Variants in SLC43A1 observed in about 807,000 individuals in gnomAD.
The protein encoded by SLC43A1 is large neutral amino acids transporter small subunit 3.
Under a neutral mutation model 59.5 loss-of-function variants are expected in SLC43A1, and 31 were observed. The ratio of observed to expected loss-of-function variants is 0.52; its 90% CI spans 0.39 to 0.70. The LOEUF (loss-of-function observed/expected upper bound fraction) is 0.70. Among genes scored for constraint, SLC43A1 ranks in the 30% least tolerant of loss-of-function variants. SLC43A1 has a pLI of 0.00. For missense variants in SLC43A1, 598 were observed against 717.8 expected, an observed-to-expected ratio of 0.83 and a Z score of 1.91; for synonymous variants, 259 against 290.9, an observed-to-expected ratio of 0.89 and a Z score of 1.12.
At chr11:57,502,873 CAA>C (rs35873904) in intron 2 of SLC43A1, among the ~76,000 whole-genome samples, 29 of 62,776 alleles carry the variant, frequency 4.6e-4, no homozygotes, top group Admixed American at 7.5e-4. Context: ...GGCCCTGTCT[CAA>C]AAAAAAAAAA....
rs1554979841 is a variant in SLC43A1, at chr11:57,485,052, C to T, written c.*44G>A. The stretch of plus-strand genomic sequence containing the variant: ...ATATGGGGCACTCCTTTTGGTTGCT[C>T]AGGCCTTGATTGCCTGTCATCCAGG... On this transcript the variant is annotated 3_prime_UTR_variant, in exon 15 of 15. Transcript: ENST00000278426. The T allele has an allele frequency of 3.2e-6, 5 of 1,575,418 alleles. No homozygotes were observed. Among genetic ancestry groups the T allele is most frequent in the Non-Finnish European group, 4.3e-6 (5 of 1,163,186 alleles).
At position 57,484,834 on chromosome 11, in the gene SLC43A1, C is replaced by T; in HGVS notation, c.*262G>A. 5.3e-6 allele frequency: 2 copies of T among 379,198 alleles called. No individual in the cohort carries two copies. Among genetic ancestry groups the T allele is most frequent in the Non-Finnish European group, 9.5e-6 (2 of 210,252 alleles). The allele number at this position is 379,198 out of a possible 1,614,324, so 23.5% of individuals were successfully genotyped here. On this transcript the variant is annotated 3_prime_UTR_variant, in exon 15 of 15. Coordinates refer to ENST00000278426, the MANE Select transcript of SLC43A1 (RefSeq NM_003627.6). ...AGGAGATAAGAGGCACCCTGGTCTC[C>T]TCCAACCCAAGGAGGAAGAAGGCTC... is the stretch of plus-strand genomic sequence containing the variant.
chr11:57,494,411 C>T, intron 7 of SLC43A1: 1 of 493,648 alleles, frequency 2.0e-6, no homozygotes, highest in Non-Finnish European at 3.5e-6. Flanking sequence ...GGGCTGTTCC[C>T]ATGGAGGAGG....
chr11:57,487,805 A>C (rs1247365761), intron 13 of SLC43A1, among the ~76,000 whole-genome samples: 1 of 152,050 alleles, frequency 6.6e-6, no homozygotes, highest in South Asian at 2.1e-4. Context: ...GACCTGAAGA[A>C]GGAGAGAAGG....
At chr11:57,508,918 A>C (rs533541919) in intron 2 of SLC43A1, among the ~76,000 whole-genome samples, 107 of 152,158 alleles carry the variant, frequency 7.0e-4, no homozygotes, top group Non-Finnish European at 1.4e-3. Flanking sequence ...GGAGTTCCAG[A>C]AAAGCCTGGC....
chr11:57,491,947 G>T, intron 8 of SLC43A1, 85 bp from the exon 9 acceptor site: 1 of 1,321,630 alleles, frequency 7.6e-7, no homozygotes, highest in Non-Finnish European at 1.1e-6. Context: ...CTTGGGGGGA[G>T]TGACACTAAC....
chr11:57,509,221 A>G (rs1227485584), intron 2 of SLC43A1, among the ~76,000 whole-genome samples: 1 of 152,156 alleles, frequency 6.6e-6, no homozygotes, highest in Non-Finnish European at 1.5e-5. Flanking sequence ...CACCAGGTGG[A>G]TATCTCACAC....
Position 57,514,954 on chromosome 11 carries a change from C to G in SLC43A1, c.-14+490G>C. On this transcript the variant is annotated intron_variant, in intron 1 of 14. Transcript: ENST00000278426. This position sits in a 1 kb window ranked among gnomAD's most constrained non-coding sequence, Gnocchi z 5.5. ...TTTACCAAAGGGAGGGAAAGAGCCCCAGCTCCCCCCGCCGCGGCCGCTGCA... is the reference window on the plus strand; with the variant it reads ...TTTACCAAAGGGAGGGAAAGAGCCCGAGCTCCCCCCGCCGCGGCCGCTGCA... 1.0e-6 allele frequency: 1 copy of G among 971,804 alleles called. No individual in the cohort carries two copies. Among genetic ancestry groups the G allele is most frequent in the Non-Finnish European group, 1.2e-6 (1 of 817,706 alleles). 60.2% of individuals were successfully genotyped at this position (971,804 alleles called of 1,614,324 possible).
At chr11:57,509,594 AAAGG>A (rs1218558916) in intron 2 of SLC43A1, among the ~76,000 whole-genome samples, 15,912 of 78,372 alleles carry the variant, frequency 0.2, 1,801 homozygotes, top group East Asian at 0.34. Context: ...TCAGAAGGAC[AAAGG>A]AAGGAAGGAA....
chr11:57,486,339 T>TA (rs1943725263), intron 14 of SLC43A1, among the ~76,000 whole-genome samples: 1 of 152,070 alleles, frequency 6.6e-6, no homozygotes, highest in Non-Finnish European at 1.5e-5. Flanking sequence ...AAATTTTTTT[T>TA]TAAAAAATTA....
chr11:57,512,597 A>G (rs527524188), intron 2 of SLC43A1, among the ~76,000 whole-genome samples: 7 of 151,514 alleles, frequency 4.6e-5, no homozygotes, highest in Admixed American at 4.6e-4. Flanking sequence ...AAGGGCAGGC[A>G]GGGTCTCTCC....
chr11:57,491,365 G>A lies in SLC43A1; in HGVS notation c.1055-3C>T, dbSNP rs1274758105. Reference sequence around the variant, plus strand: ...GAAGACGGAGGAGTAGAACCCAACTGGGCAGGATGGGAAGGGCAGTGGGGT... The same window carrying A: ...GAAGACGGAGGAGTAGAACCCAACTAGGCAGGATGGGAAGGGCAGTGGGGT... On this transcript the variant is annotated splice_region_variant and splice_polypyrimidine_tract_variant and intron_variant, in intron 10 of 14. Transcript: ENST00000278426. 1 of 1,586,994 alleles carries A rather than the reference G, an allele frequency of 6.3e-7. No homozygotes were observed. Among genetic ancestry groups the A allele is most frequent in the Non-Finnish European group, 8.6e-7 (1 of 1,165,322 alleles).
At position 57,501,348 on chromosome 11, in the gene SLC43A1, G is replaced by A. The variant is rs201403424; in HGVS notation, c.155-19C>T. The A allele has an allele frequency of 2.5e-4, 399 of 1,604,422 alleles. 1 individual carries two copies. The African/African-American group carries it at 4.9e-3, about 20-fold the overall frequency. On this transcript the variant is annotated intron_variant, in intron 2 of 14. Coordinates refer to ENST00000278426, the MANE Select transcript of SLC43A1 (RefSeq NM_003627.6). ...CTCTCAGCTGAGGAGGGGGAAGGGA[G>A]GGCTCAGCACATGACACCAGGAACA...
At chr11:57,504,541 T>C (rs1049021356) in intron 2 of SLC43A1, among the ~76,000 whole-genome samples, 4 of 152,186 alleles carry the variant, frequency 2.6e-5, no homozygotes, top group Non-Finnish European at 5.9e-5. Flanking sequence ...ATTTAATCCA[T>C]GCAATAACCC....
At chr11:57,509,644 AGGAAGGAG>A (rs1316248865) in intron 2 of SLC43A1, among the ~76,000 whole-genome samples, 16 of 82,790 alleles carry the variant, frequency 1.9e-4, no homozygotes, top group Admixed American at 3.9e-4. Flanking sequence ...GAAGGAAGGA[AGGAAGGAG>A]GGAGGGAGGG....
At position 57,514,088 on chromosome 11, in the gene SLC43A1, C is replaced by A; in HGVS notation, c.24G>T (p.Ala8=). MAPTLQQ[A]YRRRWWMACT... ...AGGCCATCCACCAGCGCCTCCGGTA[C>A]GCCTGTTGCAGCGTGGGGGCCATGC... Residue 8 remains alanine, a synonymous_variant, in exon 2 of 15, where the codon GCG becomes GCT. Transcript: ENST00000278426. This position sits in a 1 kb window ranked among gnomAD's most constrained non-coding sequence, Gnocchi z 5.5. The A allele has an allele frequency of 1.2e-6, 2 of 1,600,332 alleles. No individual in the cohort carries two copies. Among genetic ancestry groups the A allele is most frequent in the Non-Finnish European group, 1.7e-6 (2 of 1,173,776 alleles).
intron 2 of SLC43A1, among the ~76,000 whole-genome samples, chr11:57,503,931 A>T (rs556674342): frequency 6.6e-6 from 1 of 152,126 alleles, no homozygotes; most frequent in South Asian, 2.1e-4. Context: ...CGGTGGCTCA[A>T]GCCTGTAATC....
In SLC43A1 at chr11:57,488,920, C is replaced by A. The variant is rs201763475; in HGVS notation, c.1405G>T (p.Ala469Ser). 507 of 1,613,280 alleles carry A rather than the reference C, an allele frequency of 3.1e-4. 2 individuals carry two copies. The highest frequency in any genetic ancestry group is 3.8e-4 in the Non-Finnish European group (445 of 1,179,306). The change falls in exon 13 of 15, where the codon GCA becomes TCA. Residue 469 changes from alanine (A) to serine (S), a missense_variant. Physicochemically the swap from Ala to Ser is moderately conservative, Grantham distance 99. Transcript: ENST00000278426. Reference sequence around the variant, plus strand: ...ATTTCAGCCCAACAGACTCACACTGCAGCATAGAGACTCCCACAGGCTGAG... The same window carrying A: ...ATTTCAGCCCAACAGACTCACACTGAAGCATAGAGACTCCCACAGGCTGAG... The part of the protein sequence containing the change: ...FHSACGSLYA[A>S]VFPSNHFGTL...
intron 11 of SLC43A1, among the ~76,000 whole-genome samples, chr11:57,490,442 T>C (rs1394716573): frequency 6.6e-6 from 1 of 152,160 alleles, no homozygotes; most frequent in African/African-American, 2.4e-5. Flanking sequence ...GTGCCTATAA[T>C]AGAACGTAAC....
Sources: allele counts gnomAD v4.1 joint callset (sites outside exome capture counted in the v4.1 genomes callset), GRCh38; gene constraint gnomAD v4.1.1; non-coding constraint Gnocchi (gnomAD v3.1); transcripts MANE v1.5; gene names NCBI Gene and HGNC (gene_info 2026-07-23, HGNC 2026-07-21).